The following SLC35D1 variants were observed in gnomAD, a reference collection of about 807,000 sequenced individuals.
SLC35D1 encodes the protein nucleotide sugar transporter SLC35D1.
Under a neutral mutation model 46.7 loss-of-function variants are expected in SLC35D1, and 31 were observed. That is an observed-to-expected ratio of 0.66 (90% CI 0.50 to 0.90). The LOEUF is 0.90. Ranked by LOEUF, SLC35D1 falls within the 40% of genes least tolerant of loss-of-function variation. The pLI is 0.00. For missense variants in SLC35D1, 397 were observed against 426.2 expected, an observed-to-expected ratio of 0.93 and a Z score of 0.60; for synonymous variants, 195 against 164.6, an observed-to-expected ratio of 1.18 and a Z score of -1.41.
In SLC35D1 at chr1:67,000,877, C is replaced by T. The variant is rs1667325463; in HGVS notation, c.*3463G>A. The T allele has an allele frequency of 6.6e-6, 1 of 152,370 alleles. No homozygotes were observed. Among genetic ancestry groups the T allele is most frequent in the South Asian group, 2.1e-4 (1 of 4,816 alleles). 9.4% of individuals were successfully genotyped at this position (152,370 alleles called of 1,614,324 possible). On this transcript the variant is annotated 3_prime_UTR_variant, in exon 12 of 12. Coordinates refer to ENST00000235345, the MANE Select transcript of SLC35D1 (RefSeq NM_015139.3). Reference sequence around the variant, plus strand: ...CTAGAAGATTAACTAATATGAGTTACAAAAGTCCTCTCGGATTAAAAAAAT... The same window carrying T: ...CTAGAAGATTAACTAATATGAGTTATAAAAGTCCTCTCGGATTAAAAAAAT...
chr1:67,049,393 TTAAG>T (rs1558167502), intron 6 of SLC35D1, among the ~76,000 whole-genome samples: 4 of 152,322 alleles, frequency 2.6e-5, no homozygotes, highest in South Asian at 2.1e-4. Context: ...CTCTGTGACC[TTAAG>T]TAAGTTATTG....
intron 8 of SLC35D1, 101 bp from the exon 9 acceptor site, chr1:67,021,703 A>T: frequency 1.4e-5 from 3 of 208,066 alleles, no homozygotes; most frequent in Non-Finnish European, 2.7e-5. Flanking sequence ...CAACACAGAC[A>T]CAGACACAGA....
intron 10 of SLC35D1, among the ~76,000 whole-genome samples, chr1:67,011,319 A>C (rs1667562046): frequency 6.6e-6 from 1 of 152,176 alleles, no homozygotes; most frequent in South Asian, 2.1e-4. Flanking sequence ...CAGGGTCACC[A>C]AAGCTGTTCT....
the SLC35D1 span, among the ~76,000 whole-genome samples, chr1:66,989,784 AC>A: frequency 6.6e-6 from 1 of 152,306 alleles, no homozygotes; most frequent in African/African-American, 2.4e-5. Flanking sequence ...TAAAAAGAAA[AC>A]ATACGGGCCT....
At chr1:66,991,609 T>C in the SLC35D1 span, among the ~76,000 whole-genome samples, 11 of 152,374 alleles carry the variant, frequency 7.2e-5, no homozygotes, top group East Asian at 2.1e-3. Context: ...ATTCATCTGA[T>C]GCTTGGAGCC....
downstream of SLC35D1, among the ~76,000 whole-genome samples, chr1:66,997,796 T>C (rs1168018463): frequency 1.4e-5 from 2 of 147,066 alleles, no homozygotes; most frequent in Non-Finnish European, 3.0e-5. Flanking sequence ...AATATAAATA[T>C]TGTTATTTAT....
At chr1:67,044,445 A>G (rs1267287278) in intron 7 of SLC35D1, among the ~76,000 whole-genome samples, 3 of 152,234 alleles carry the variant, frequency 2.0e-5, no homozygotes, top group Admixed American at 1.3e-4. Flanking sequence ...ATGCTGATTG[A>G]CATTAAAAAG....
chr1:66,975,069 C>A, the SLC35D1 span, among the ~76,000 whole-genome samples: 1 of 152,082 alleles, frequency 6.6e-6, no homozygotes, highest in Non-Finnish European at 1.5e-5. Context: ...CTGTACAGTG[C>A]AAACGGGAAG....
In SLC35D1 at chr1:67,032,109, G is replaced by A. The variant is rs1668028579; in HGVS notation, c.729+10127C>T. 4 of 984,870 alleles carry A rather than the reference G, an allele frequency of 4.1e-6. No individual in the cohort carries two copies. In the Admixed American group the frequency reaches 1.8e-4, roughly 45 times the overall value. The allele number at this position is 984,870 out of a possible 1,614,324, so 61.0% of individuals were successfully genotyped here. ...TCGGTCTTGGCTGACTGGTAGCTGTGATTACAGATTTAATAAACAAAGATG... is the reference window on the plus strand; with the variant it reads ...TCGGTCTTGGCTGACTGGTAGCTGTAATTACAGATTTAATAAACAAAGATG... On this transcript the variant is annotated intron_variant, in intron 8 of 11. Transcript: ENST00000235345.
chr1:67,021,466 G>A (rs1034190435), intron 9 of SLC35D1, 69 bp downstream of exon 9: 30 of 1,485,576 alleles, frequency 2.0e-5, no homozygotes, highest in Non-Finnish European at 2.7e-5. Flanking sequence ...ATTGAGAAAA[G>A]AGGCATGCAA....
chr1:67,025,339 T>G (rs1667895467), intron 8 of SLC35D1, among the ~76,000 whole-genome samples: 1 of 152,208 alleles, frequency 6.6e-6, no homozygotes, highest in African/African-American at 2.4e-5. Flanking sequence ...GAAGACATTA[T>G]CTTTTCCTCA....
rs1216513739 is a variant in SLC35D1, at chr1:67,001,982, T to C, written c.*2358A>G. The stretch of plus-strand genomic sequence containing the variant: ...AATACTCCTGAAGAGGTGACAGATC[T>C]CCTAGGGAACCTGACCCCCAAGAGG... On this transcript the variant is annotated 3_prime_UTR_variant, in exon 12 of 12. Transcript: ENST00000235345. 1 of 152,340 alleles carries C rather than the reference T, an allele frequency of 6.6e-6. No homozygotes were observed. The highest frequency in any genetic ancestry group is 2.4e-5 in the African/African-American group (1 of 41,454). 9.4% of individuals were successfully genotyped at this position (152,340 alleles called of 1,614,324 possible).
At chr1:66,999,158 G>A (rs1311855480), downstream of SLC35D1, among the ~76,000 whole-genome samples, 1 of 152,162 alleles carries the variant, frequency 6.6e-6, no homozygotes, top group Non-Finnish European at 1.5e-5. Context: ...CCTGAAAACA[G>A]AAAGATTAGC....
chr1:66,977,715 C>G, the SLC35D1 span, among the ~76,000 whole-genome samples: 1 of 152,086 alleles, frequency 6.6e-6, no homozygotes, highest in East Asian at 1.9e-4. Flanking sequence ...CCTTGTCTTT[C>G]ATGAATTGCT....
chr1:66,979,490 T>C, the SLC35D1 span, among the ~76,000 whole-genome samples: 1 of 152,180 alleles, frequency 6.6e-6, no homozygotes, highest in African/African-American at 2.4e-5. Context: ...CCTGGAAGAA[T>C]TGGGAACCTT....
intron 4 of SLC35D1, among the ~76,000 whole-genome samples, chr1:67,051,523 A>G (rs1344097854): frequency 6.6e-6 from 1 of 152,202 alleles, no homozygotes; most frequent in Non-Finnish European, 1.5e-5. Flanking sequence ...GTTACATGCC[A>G]TGTGTAAGAT....
chr1:66,975,785 A>G, the SLC35D1 span, among the ~76,000 whole-genome samples: 1 of 152,290 alleles, frequency 6.6e-6, no homozygotes, highest in African/African-American at 2.4e-5. Context: ...CATTATTATG[A>G]TACTTTTAAC....
chr1:67,015,690 G>C (rs1467158077), intron 10 of SLC35D1, among the ~76,000 whole-genome samples: 7 of 152,022 alleles, frequency 4.6e-5, no homozygotes, highest in Non-Finnish European at 1.0e-4. Context: ...AGCCCAGGCA[G>C]TTTTCTCTTT....
the SLC35D1 span, among the ~76,000 whole-genome samples, chr1:66,989,547 T>C: frequency 1.3e-5 from 2 of 152,190 alleles, no homozygotes; most frequent in Non-Finnish European, 2.9e-5. Context: ...ACTGCAGCCT[T>C]GACCTCCTTG....
Sources: allele counts gnomAD v4.1 joint callset (sites outside exome capture counted in the v4.1 genomes callset), GRCh38; gene constraint gnomAD v4.1.1; transcripts MANE v1.5; gene names NCBI Gene and HGNC (gene_info 2026-07-23, HGNC 2026-07-21).